Variants in AP3M1 observed in about 807,000 individuals in gnomAD.
AP3M1 encodes the protein adaptor related protein complex 3 subunit mu 1, also known as AP-3 complex subunit mu-1.
In AP3M1, 29 loss-of-function variants were observed where a neutral mutation model predicts 42.6. The ratio of observed to expected loss-of-function variants is 0.68; its 90% confidence interval spans 0.51 to 0.93. The LOEUF (loss-of-function observed/expected upper bound fraction) is 0.93, where lower values mean the gene tolerates loss of function less well. Among genes scored for constraint, AP3M1 ranks in the 40% least tolerant of loss-of-function variants. The pLI is 0.00. For synonymous variants in AP3M1, 178 were observed against 175.3 expected, an observed-to-expected ratio of 1.02 and a Z score of -0.12; for missense variants, 416 against 510.2, an observed-to-expected ratio of 0.82 and a Z score of 1.78.
chr10:74,128,243 A>G (rs1431669194), intron 6 of AP3M1, among the ~76,000 whole-genome samples: 1 of 145,042 alleles, frequency 6.9e-6, no homozygotes, highest in Non-Finnish European at 1.5e-5. Flanking sequence ...CCCAATGCTA[A>G]ATTTTTTTTT....
chr10:74,132,024 T>A (rs1840792561), intron 4 of AP3M1, among the ~76,000 whole-genome samples: 1 of 151,900 alleles, frequency 6.6e-6, no homozygotes, highest in African/African-American at 2.4e-5. Context: ...AAGGACTAGA[T>A]TTTTTTTCTT....
chr10:74,141,879 GTT>G (rs58905652), intron 1 of AP3M1, among the ~76,000 whole-genome samples: 57 of 140,552 alleles, frequency 4.1e-4, no homozygotes, highest in Non-Finnish European at 4.2e-4. Flanking sequence ...CACCTGGCTA[GTT>G]TTTTTTTTTT....
rs1840866904 is a variant in AP3M1 at position 74,134,023 on chromosome 10, T to A, written c.583+4A>T. On this transcript the variant is annotated splice_donor_region_variant and intron_variant, in intron 4 of 8. Coordinates refer to ENST00000355264, the MANE Select transcript of AP3M1 (RefSeq NM_012095.6). ...CCCAAATAAGATGACATGCACACAA[T>A]TACCTGATTTATCTATAATTGCGTC... 6.2e-7 allele frequency: 1 copy of A among 1,613,578 alleles called. No individual in the cohort carries two copies. Among genetic ancestry groups the A allele is most frequent in the African/African-American group, 1.3e-5 (1 of 74,892 alleles).
chr10:74,133,669 C>CTT (rs111439833), intron 4 of AP3M1, among the ~76,000 whole-genome samples: 10 of 142,996 alleles, frequency 7.0e-5, no homozygotes, highest in Non-Finnish European at 1.2e-4. Flanking sequence ...CTTTCTTCTT[C>CTT]TTTTTTTTTT....
At chr10:74,129,335 G>A in intron 5 of AP3M1, 94 bp from the exon 6 acceptor site, 3 of 1,324,216 alleles carry the variant, frequency 2.3e-6, no homozygotes, top group Non-Finnish European at 3.1e-6. Context: ...TGAAGATAAA[G>A]CAGTCATGGA....
intron 1 of AP3M1, among the ~76,000 whole-genome samples, chr10:74,149,751 C>T (rs999950089): frequency 9.2e-5 from 14 of 152,082 alleles, no homozygotes; most frequent in Admixed American, 3.3e-4. Flanking sequence ...TTTCTTGAAT[C>T]TTCAAATAGT....
rs946893917 is a variant in AP3M1, at chr10:74,120,334, G to C, written c.*3476C>G. ...AACAGTGGTATATTTACTTAACAAG[G>C]ATGTGTGTAATACAAGACAACCCTG... On this transcript the variant is annotated 3_prime_UTR_variant, in exon 9 of 9. Transcript: ENST00000355264. 1.3e-5 allele frequency: 2 copies of C among 152,194 alleles called. No homozygotes were observed. Among genetic ancestry groups the C allele is most frequent in the Non-Finnish European group, 2.9e-5 (2 of 68,032 alleles). The allele number at this position is 152,194 out of a possible 1,614,324, so 9.4% of individuals were successfully genotyped here. A position where few individuals can be genotyped will look rare whatever the true frequency, so the allele number is the denominator to read the frequency against.
At chr10:74,123,999 T>C in intron 8 of AP3M1, 89 bp from the exon 9 acceptor site, 2 of 1,120,080 alleles carry the variant, frequency 1.8e-6, no homozygotes, top group Non-Finnish European at 1.3e-6. Context: ...AATCTGACAT[T>C]AACCAGTGTC....
In AP3M1 at chr10:74,123,780, A is replaced by C. The variant is rs778562599; in HGVS notation, c.*30T>G. 5.8e-6 allele frequency: 9 copies of C among 1,560,186 alleles called. No individual in the cohort carries two copies. The African/African-American group carries it at 1.2e-4, about 21-fold the overall frequency. ...TACATCGTAATGACACTTGGAAAAC[A>C]AACTGGTCCTGAGGAATTTTGGCCT... On this transcript the variant is annotated 3_prime_UTR_variant, in exon 9 of 9. Transcript: ENST00000355264.
intron 7 of AP3M1, among the ~76,000 whole-genome samples, chr10:74,125,120 C>T (rs1840577112): frequency 6.6e-6 from 1 of 152,168 alleles, no homozygotes; most frequent in Non-Finnish European, 1.5e-5. Flanking sequence ...AGCTGGGATA[C>T]AGGCATGCGC....
In AP3M1 at chr10:74,121,068, C is replaced by T. The variant is rs1840439629; in HGVS notation, c.*2742G>A. ...TGATATTGATATTTAGTGTTGCCAA[C>T]TGCTATTATCACTGCTTTATCTTGG... is the stretch of plus-strand genomic sequence containing the variant. On this transcript the variant is annotated 3_prime_UTR_variant, in exon 9 of 9. Transcript: ENST00000355264. 6.6e-6 allele frequency: 1 copy of T among 152,184 alleles called. No individual in the cohort carries two copies. Among genetic ancestry groups the T allele is most frequent in the African/African-American group, 2.4e-5 (1 of 41,438 alleles). The allele number at this position is 152,184 out of a possible 1,614,324, so 9.4% of individuals were successfully genotyped here. A position where few individuals can be genotyped will look rare whatever the true frequency, so the allele number is the denominator to read the frequency against.
At chr10:74,125,468 T>C (rs1840586511) in intron 7 of AP3M1, among the ~76,000 whole-genome samples, 1 of 152,254 alleles carries the variant, frequency 6.6e-6, no homozygotes, top group East Asian at 1.9e-4. Flanking sequence ...TTCTCAGCCC[T>C]GTGTGGTCTC....
At chr10:74,129,299 TC>T (rs1192982883) in intron 5 of AP3M1, 58 bp from the exon 6 acceptor site, 3 of 1,557,074 alleles carry the variant, frequency 1.9e-6, no homozygotes, top group Non-Finnish European at 2.6e-6. Flanking sequence ...GGAACTGTAC[TC>T]AGATACCTTG....
intron 1 of AP3M1, among the ~76,000 whole-genome samples, chr10:74,144,661 T>A (rs957316095): frequency 7.2e-5 from 11 of 151,814 alleles, no homozygotes; most frequent in African/African-American, 2.7e-4. Context: ...TGCTTTAGCT[T>A]ATGATTTTTT....
Position 74,122,599 on chromosome 10 carries a change from C to T in AP3M1, c.*1211G>A, listed in dbSNP as rs899367643. On this transcript the variant is annotated 3_prime_UTR_variant, in exon 9 of 9. Coordinates refer to ENST00000355264, the MANE Select transcript of AP3M1 (RefSeq NM_012095.6). ...ATCGGTAGAGTATCATCAATGTTAC[C>T]GAGGATTTTGTTTCTGCCTCATTAT... is the stretch of plus-strand genomic sequence containing the variant. 1.3e-5 allele frequency: 2 copies of T among 152,028 alleles called. No homozygotes were observed. The highest frequency in any genetic ancestry group is 6.6e-5 in the Admixed American group (1 of 15,256). 9.4% of individuals were successfully genotyped at this position (152,028 alleles called of 1,614,324 possible).
rs180925511 is a variant in AP3M1 at position 74,128,788 on chromosome 10, A to T, written c.803+320T>A. 651 of 209,718 alleles carry T rather than the reference A, an allele frequency of 3.1e-3. 6 individuals are homozygous for T. The highest frequency in any genetic ancestry group is 0.023 in the South Asian group (252 of 10,870). The allele number at this position is 209,718 out of a possible 1,614,324, so 13.0% of individuals were successfully genotyped here. A position where few individuals can be genotyped will look rare whatever the true frequency, so the allele number is the denominator to read the frequency against. On this transcript the variant is annotated intron_variant, in intron 6 of 8. Coordinates refer to ENST00000355264, the MANE Select transcript of AP3M1 (RefSeq NM_012095.6). ...AATGGACCATGCATAACCTGAGCAAAGAACCAGTGCCATAATTTGACCATG... is the reference window on the plus strand; with the variant it reads ...AATGGACCATGCATAACCTGAGCAATGAACCAGTGCCATAATTTGACCATG...
rs1242857804 is a variant in AP3M1 at position 74,123,495 on chromosome 10, G to C, written c.*315C>G. On this transcript the variant is annotated 3_prime_UTR_variant, in exon 9 of 9. Transcript: ENST00000355264. ...GAGACCAGTTAACTCTTTTAGGAGA[G>C]AGGTTATCACTACAGCTTTCTGCCT... The C allele has an allele frequency of 1.3e-5, 4 of 319,994 alleles. No homozygotes were observed. The highest frequency in any genetic ancestry group is 2.3e-5 in the Non-Finnish European group (4 of 172,978). 19.8% of individuals were successfully genotyped at this position (319,994 alleles called of 1,614,324 possible). A position where few individuals can be genotyped will look rare whatever the true frequency, so the allele number is the denominator to read the frequency against.
chr10:74,124,244 C>T, intron 8 of AP3M1, 136 bp downstream of exon 8: 1 of 1,087,420 alleles, frequency 9.2e-7, no homozygotes, highest in Admixed American at 2.9e-5. Context: ...TGAGACTGCC[C>T]CACCAAGCAC....
chr10:74,144,610 T>C (rs888937724), intron 1 of AP3M1, among the ~76,000 whole-genome samples: 9 of 151,932 alleles, frequency 5.9e-5, no homozygotes, highest in Non-Finnish European at 8.8e-5. Context: ...AATAACCATA[T>C]ATGGTTAGTA....
Sources: allele counts gnomAD v4.1 joint callset (sites outside exome capture counted in the v4.1 genomes callset), GRCh38; gene constraint gnomAD v4.1.1; transcripts MANE v1.5; gene names NCBI Gene and HGNC (gene_info 2026-07-23, HGNC 2026-07-21).